Variants in ZBTB20 observed in about 807,000 individuals in gnomAD.
ZBTB20 encodes the protein zinc finger and BTB domain containing 20.
In ZBTB20, 9 loss-of-function variants were observed where a neutral mutation model predicts 56.9. The observed-to-expected ratio is 0.16, with a 90% confidence interval of 0.10 to 0.28. The LOEUF (loss-of-function observed/expected upper bound fraction) is 0.28, where lower values mean the gene tolerates loss of function less well. Among genes scored for constraint, ZBTB20 ranks in the 10% least tolerant of loss-of-function variants. The pLI is 1.00. For synonymous variants in ZBTB20, 417 were observed against 420.7 expected, an observed-to-expected ratio of 0.99 and a Z score of 0.11; for missense variants, 655 against 1,003.0, an observed-to-expected ratio of 0.65 and a Z score of 4.69.
At chr3:115,067,479 T>C (rs2082248608) in intron 2 of ZBTB20, among the ~76,000 whole-genome samples, 2 of 151,674 alleles carry the variant, frequency 1.3e-5, no homozygotes, top group Admixed American at 1.3e-4. Context: ...TATAAATCAT[T>C]CAATGGATAA....
At chr3:114,853,796 A>T (rs775089549) in intron 4 of ZBTB20, among the ~76,000 whole-genome samples, 2 of 152,192 alleles carry the variant, frequency 1.3e-5, no homozygotes, top group Non-Finnish European at 2.9e-5. Context: ...AAGTTAGAGG[A>T]CCCCAATTAG....
chr3:114,930,599 T>G (rs2076321222), intron 3 of ZBTB20: 1 of 159,484 alleles, frequency 6.3e-6, no homozygotes, highest in Non-Finnish European at 1.4e-5. Context: ...CGGCACCACC[T>G]GCAGCGGCGC....
intron 6 of ZBTB20, among the ~76,000 whole-genome samples, chr3:114,574,344 T>C (rs2053772307): frequency 6.6e-6 from 1 of 152,174 alleles, no homozygotes; most frequent in Non-Finnish European, 1.5e-5. Flanking sequence ...TAAAGCAAGG[T>C]TCTGGATAAC....
chr3:115,123,700 C>G (rs1576812279), intron 1 of ZBTB20, among the ~76,000 whole-genome samples: 1 of 152,144 alleles, frequency 6.6e-6, no homozygotes, highest in East Asian at 1.9e-4. Flanking sequence ...AACACACATC[C>G]AATCCATCAT....
chr3:115,052,823 A>T (rs2081603080), intron 2 of ZBTB20, among the ~76,000 whole-genome samples: 1 of 152,224 alleles, frequency 6.6e-6, no homozygotes, highest in African/African-American at 2.4e-5. Context: ...CAGAAGATAA[A>T]ATTATTCAGA....
chr3:114,619,990 C>T (rs34312453), intron 6 of ZBTB20, among the ~76,000 whole-genome samples: 11 of 152,278 alleles, frequency 7.2e-5, no homozygotes, highest in Admixed American at 1.3e-4. Context: ...TATTGACAAG[C>T]TGGAGGGACT....
intron 5 of ZBTB20, among the ~76,000 whole-genome samples, chr3:114,715,662 A>G (rs1343601033): frequency 6.6e-6 from 1 of 152,224 alleles, no homozygotes; most frequent in Non-Finnish European, 1.5e-5. Flanking sequence ...GAGAATTATG[A>G]GGTTACTTCG....
At chr3:115,087,971 A>C (rs1465323574) in intron 1 of ZBTB20, among the ~76,000 whole-genome samples, 1 of 151,924 alleles carries the variant, frequency 6.6e-6, no homozygotes, top group African/African-American at 2.4e-5. Context: ...ATTTGGCCCC[A>C]AATGGTTCAT....
chr3:114,473,210 G>A (rs770328686), intron 7 of ZBTB20, among the ~76,000 whole-genome samples: 22 of 152,166 alleles, frequency 1.4e-4, no homozygotes, highest in East Asian at 9.6e-4. Flanking sequence ...CTTCCCTTCC[G>A]TCCTACCCCT....
chr3:114,840,905 C>T (rs2074358171), intron 4 of ZBTB20, among the ~76,000 whole-genome samples: 2 of 151,986 alleles, frequency 1.3e-5, no homozygotes, highest in South Asian at 4.2e-4. Flanking sequence ...AAGAACCGAT[C>T]TTTCTTACTT....
At chr3:115,105,857 G>A (rs376909075) in intron 1 of ZBTB20, among the ~76,000 whole-genome samples, 24 of 152,206 alleles carry the variant, frequency 1.6e-4, no homozygotes, top group Non-Finnish European at 2.5e-4. Context: ...CAGCTCCGTC[G>A]CCCAGGCTGG....
intron 6 of ZBTB20, among the ~76,000 whole-genome samples, chr3:114,647,288 A>G (rs2059901289): frequency 6.6e-6 from 1 of 152,196 alleles, no homozygotes; most frequent in Admixed American, 6.5e-5. Context: ...AAGAAAGTAG[A>G]ACTTTCACAT....
At chr3:114,701,316 C>T (rs2063376242) in intron 5 of ZBTB20, among the ~76,000 whole-genome samples, 1 of 152,124 alleles carries the variant, frequency 6.6e-6, no homozygotes, top group African/African-American at 2.4e-5. Context: ...CTCATAAGCT[C>T]ATTCCCAGGG....
intron 6 of ZBTB20, among the ~76,000 whole-genome samples, chr3:114,579,426 C>T (rs1200340433): frequency 6.7e-6 from 1 of 150,008 alleles, no homozygotes; most frequent in African/African-American, 2.4e-5. Context: ...TAATGAGAAA[C>T]CAGGAGAAAA....
chr3:114,867,738 T>C (rs2075824800), intron 4 of ZBTB20, among the ~76,000 whole-genome samples: 1 of 152,080 alleles, frequency 6.6e-6, no homozygotes. Flanking sequence ...CCTGCCCCAA[T>C]CCAACTCTTA....
intron 6 of ZBTB20, among the ~76,000 whole-genome samples, chr3:114,611,022 G>A (rs1484106465): frequency 6.6e-6 from 1 of 152,116 alleles, no homozygotes; most frequent in African/African-American, 2.4e-5. Flanking sequence ...GGTGGATTAG[G>A]CATACAACGA....
At chr3:114,618,079 G>GTTT (rs34473856) in intron 6 of ZBTB20, among the ~76,000 whole-genome samples, 1 of 146,878 alleles carries the variant, frequency 6.8e-6, no homozygotes, top group East Asian at 2.0e-4. Flanking sequence ...AAAGATTTCT[G>GTTT]TTTTTTTTTT....
chr3:114,858,842 C>T (rs2075361877), intron 4 of ZBTB20, among the ~76,000 whole-genome samples: 1 of 152,084 alleles, frequency 6.6e-6, no homozygotes, highest in Non-Finnish European at 1.5e-5. Context: ...ACTTTACTGA[C>T]ATATACCAGC....
chr3:114,360,743 G>C (rs1018721610), intron 10 of ZBTB20, among the ~76,000 whole-genome samples: 3 of 152,108 alleles, frequency 2.0e-5, no homozygotes. Context: ...AAGGAAAAAA[G>C]TAAATCTGTT....
Sources: gnomAD v4.1 joint callset for allele counts (sites outside exome capture counted in the v4.1 genomes callset) on GRCh38, gnomAD v4.1.1 for gene constraint, MANE v1.5 for transcripts, NCBI Gene and HGNC (gene_info 2026-07-23, HGNC 2026-07-21) for gene names.